The following CFAP20DC variants were observed in gnomAD, a reference collection of about 807,000 sequenced individuals.
CFAP20DC encodes the protein protein CFAP20DC.
In CFAP20DC, 84 loss-of-function variants were observed where a neutral mutation model predicts 101.7. The observed-to-expected ratio is 0.83, with a 90% CI of 0.69 to 0.99. The LOEUF is 0.99. CFAP20DC is among the 50% of genes least tolerant of loss of function. The pLI, the probability that CFAP20DC is intolerant of heterozygous loss-of-function variation, is 0.00. For synonymous variants in CFAP20DC, 359 were observed against 351.2 expected, an observed-to-expected ratio of 1.02 and a Z score of -0.25; for missense variants, 1,007 against 970.3, an observed-to-expected ratio of 1.04 and a Z score of -0.50.
At chr3:59,012,654 T>C (rs909318088) in intron 4 of CFAP20DC, among the ~76,000 whole-genome samples, 9 of 152,224 alleles carry the variant, frequency 5.9e-5, no homozygotes, top group Admixed American at 4.6e-4. Context: ...GACATGTATT[T>C]CTAGAACTTA....
Position 58,897,668 on chromosome 3 carries a change from T to C in CFAP20DC, c.551-12959A>G, listed in dbSNP as rs1367226806. ...GTTTGGCCAGATATGAAATTCAGGA[T>C]TGGGGAAATTCTTTTCTTAAGAATG... On this transcript the variant is annotated intron_variant, in intron 6 of 16. Coordinates refer to ENST00000482387, the MANE Select transcript of CFAP20DC (RefSeq NM_001394063.1). The surrounding 1 kb of genome is among the most constrained non-coding windows in gnomAD (Gnocchi z 4.4). Among the ~76,000 whole-genome samples, 1 of 152,220 alleles carries C rather than the reference T, an allele frequency of 6.6e-6. No individual in the cohort carries two copies. Among genetic ancestry groups the C allele is most frequent in the African/African-American group, 2.4e-5 (1 of 41,472 alleles).
chr3:58,846,601 A>G (rs1294702258), intron 13 of CFAP20DC, among the ~76,000 whole-genome samples: 15 of 151,330 alleles, frequency 9.9e-5, no homozygotes, highest in African/African-American at 3.4e-4. Context: ...AAGGTAATTT[A>G]CAGATTCAAT....
intron 7 of CFAP20DC, among the ~76,000 whole-genome samples, chr3:58,875,206 G>T (rs1041032478): frequency 6.6e-6 from 1 of 152,142 alleles, no homozygotes; most frequent in African/African-American, 2.4e-5. Flanking sequence ...AAATTTCCTA[G>T]TGTCACCAAA....
At chr3:58,987,465 A>G (rs2092790099) in intron 4 of CFAP20DC, among the ~76,000 whole-genome samples, 1 of 152,072 alleles carries the variant, frequency 6.6e-6, no homozygotes, top group Non-Finnish European at 1.5e-5. Context: ...ATATTACAAA[A>G]GTGGAAAGAA....
At chr3:58,736,495 C>A (rs1220346919) in intron 3 of CFAP20DC, among the ~76,000 whole-genome samples, 1 of 152,192 alleles carries the variant, frequency 6.6e-6, no homozygotes, top group Non-Finnish European at 1.5e-5. Context: ...ATACTTCAGA[C>A]TGGCATACTA....
intron 13 of CFAP20DC, among the ~76,000 whole-genome samples, chr3:58,842,130 C>G (rs1470259860): frequency 6.6e-6 from 1 of 152,218 alleles, no homozygotes; most frequent in Non-Finnish European, 1.5e-5. Flanking sequence ...TTTCAGTAAG[C>G]ATTCCTTAAG....
chr3:58,716,338 T>G (rs4681899), downstream of CFAP20DC, among the ~76,000 whole-genome samples: 5 of 151,426 alleles, frequency 3.3e-5, no homozygotes, highest in Non-Finnish European at 5.9e-5. Context: ...ATTTTTTTTG[T>G]ATTTTTAGTA....
chr3:58,835,722 C>T (rs2076692723), intron 13 of CFAP20DC, among the ~76,000 whole-genome samples: 1 of 152,182 alleles, frequency 6.6e-6, no homozygotes, highest in Non-Finnish European at 1.5e-5. Context: ...AGGTAATTAA[C>T]TTAGTCCTGC....
chr3:58,751,666 T>C (rs1166477614), intron 16 of CFAP20DC, among the ~76,000 whole-genome samples: 1 of 152,144 alleles, frequency 6.6e-6, no homozygotes, highest in Non-Finnish European at 1.5e-5. Flanking sequence ...TATATATACA[T>C]ATATTTTTAG....
rs2079910805 is a variant in CFAP20DC, at chr3:58,868,926, T to C, written c.1015+402A>G. Among the ~76,000 whole-genome samples, 1 of 152,204 alleles carries C rather than the reference T, an allele frequency of 6.6e-6. No homozygotes were observed. Among genetic ancestry groups the C allele is most frequent in the Non-Finnish European group, 1.5e-5 (1 of 68,022 alleles). The stretch of plus-strand genomic sequence containing the variant: ...AAAATCCTTTTTCACTTACAGGGTT[T>C]ATTTTATTTTTGTTGTTGGATCAGT... On this transcript the variant is annotated intron_variant, in intron 9 of 16. Transcript: ENST00000482387. This position sits in a 1 kb window ranked among gnomAD's most constrained non-coding sequence, Gnocchi z 4.6.
intron 5 of CFAP20DC, among the ~76,000 whole-genome samples, chr3:58,922,983 A>T (rs1030502008): frequency 6.6e-6 from 1 of 152,124 alleles, no homozygotes; most frequent in African/African-American, 2.4e-5. Context: ...TTACTTCTAC[A>T]TGTTATAAAA....
intron 5 of CFAP20DC, among the ~76,000 whole-genome samples, chr3:58,917,738 G>C (rs2084889862): frequency 6.6e-6 from 1 of 152,160 alleles, no homozygotes; most frequent in Non-Finnish European, 1.5e-5. Flanking sequence ...AGCAGAGATT[G>C]AAATTGTAAT....
intron 3 of CFAP20DC, among the ~76,000 whole-genome samples, chr3:58,718,052 CA>C (rs2067420968): frequency 6.6e-6 from 1 of 152,146 alleles, no homozygotes; most frequent in Non-Finnish European, 1.5e-5. Flanking sequence ...TACTTTGATC[CA>C]CTACTTATTG....
intron 12 of CFAP20DC, among the ~76,000 whole-genome samples, chr3:58,860,962 C>T (rs190651872): frequency 5.3e-5 from 8 of 152,028 alleles, no homozygotes; most frequent in East Asian, 1.9e-4. Context: ...TGGCTGCCTA[C>T]GGAATAAAAT....
intron 6 of CFAP20DC, among the ~76,000 whole-genome samples, chr3:58,904,111 T>C (rs752253346): frequency 5.3e-5 from 8 of 152,150 alleles, no homozygotes; most frequent in Non-Finnish European, 1.2e-4. Flanking sequence ...AATCCATGCA[T>C]GTGAGATGTC....
intron 4 of CFAP20DC, among the ~76,000 whole-genome samples, chr3:59,033,250 C>T (rs549772078): frequency 4.6e-5 from 7 of 152,226 alleles, no homozygotes; most frequent in East Asian, 1.9e-4. Context: ...GAAAAACCAG[C>T]GCAAAAGGCT....
chr3:58,981,299 T>G (rs535988434), intron 4 of CFAP20DC, among the ~76,000 whole-genome samples: 1 of 152,204 alleles, frequency 6.6e-6, no homozygotes, highest in Admixed American at 6.5e-5. Context: ...ATTTATAGAT[T>G]CAATGCCATC....
At chr3:59,003,683 T>C (rs1418344736) in intron 4 of CFAP20DC, among the ~76,000 whole-genome samples, 1 of 152,196 alleles carries the variant, frequency 6.6e-6, no homozygotes, top group African/African-American at 2.4e-5. Flanking sequence ...ACTGATGTAA[T>C]TGCCTAAGTG....
In CFAP20DC at chr3:58,864,723, G is replaced by T. The variant is rs2079532176; in HGVS notation, c.1259-831C>A. 6.6e-6 allele frequency among the ~76,000 whole-genome samples: 1 copy of T among 152,122 alleles called. No homozygotes were observed. Among genetic ancestry groups the T allele is most frequent in the African/African-American group, 2.4e-5 (1 of 41,424 alleles). ...CTCTCTATTCTACTGATTCAAACAG[G>T]ACAATTCACAGACTAAACCAAGCAG... On this transcript the variant is annotated intron_variant, in intron 11 of 16. Transcript: ENST00000482387. This position sits in a 1 kb window ranked among gnomAD's most constrained non-coding sequence, Gnocchi z 4.7.
Sources: gnomAD v4.1 joint callset for allele counts (sites outside exome capture counted in the v4.1 genomes callset) on GRCh38, gnomAD v4.1.1 for gene constraint, Gnocchi (gnomAD v3.1) non-coding constraint, MANE v1.5 for transcripts, NCBI Gene and HGNC (gene_info 2026-07-23, HGNC 2026-07-21) for gene names.